Variants in PTPN3 observed in about 807,000 individuals in gnomAD.
PTPN3 encodes protein tyrosine phosphatase non-receptor type 3.
A neutral mutation model predicts 132.7 loss-of-function variants in PTPN3; 96 were observed. That is an observed-to-expected ratio of 0.72 (90% CI 0.61 to 0.86). PTPN3 has a LOEUF of 0.86. Ranked by LOEUF, PTPN3 falls within the 40% of genes least tolerant of loss-of-function variation. The pLI, the probability that PTPN3 is intolerant of heterozygous loss-of-function variation, is 0.00. For synonymous variants in PTPN3, 398 were observed against 429.0 expected, an observed-to-expected ratio of 0.93 and a Z score of 0.89; for missense variants, 1,125 against 1,159.6, an observed-to-expected ratio of 0.97 and a Z score of 0.43.
At chr9:109,403,638 A>G (rs923121043) in intron 19 of PTPN3, among the ~76,000 whole-genome samples, 2 of 152,184 alleles carry the variant, frequency 1.3e-5, no homozygotes, top group Admixed American at 6.5e-5. Context: ...CCAGGAGTTC[A>G]TGACTGGCCT....
the PTPN3 span, among the ~76,000 whole-genome samples, chr9:109,522,599 G>A: frequency 0.14 from 20,638 of 152,098 alleles, 1,584 homozygotes; most frequent in Middle Eastern, 0.24. Context: ...TAATATACGC[G>A]TACCTGCTAG....
chr9:109,514,803 G>A, the PTPN3 span, among the ~76,000 whole-genome samples: 5 of 152,172 alleles, frequency 3.3e-5, no homozygotes, highest in Non-Finnish European at 5.9e-5. Flanking sequence ...TGGCCAATGG[G>A]ATGTTAGATG....
At chr9:109,465,580 G>T (rs1846058693) in intron 1 of PTPN3, among the ~76,000 whole-genome samples, 1 of 151,996 alleles carries the variant, frequency 6.6e-6, no homozygotes, top group South Asian at 2.1e-4. Context: ...ACGGTGGCAT[G>T]CGCCAGTAAT....
chr9:109,420,619 G>T lies in PTPN3; in HGVS notation c.1137-19C>A, dbSNP rs779039131. 110 of 1,601,162 alleles carry T rather than the reference G, an allele frequency of 6.9e-5. No homozygotes were observed. Among genetic ancestry groups the T allele is most frequent in the Non-Finnish European group, 9.4e-5 (110 of 1,172,208 alleles). Reference sequence around the variant, plus strand: ...ACTTCGCCTGGGTGGGAAAAACGTTGAGTGCAAAGTGTTCAAAGCAAATTC... The same window carrying T: ...ACTTCGCCTGGGTGGGAAAAACGTTTAGTGCAAAGTGTTCAAAGCAAATTC... On this transcript the variant is annotated intron_variant, in intron 13 of 25. Coordinates refer to ENST00000374541, the MANE Select transcript of PTPN3 (RefSeq NM_002829.4).
At chr9:109,455,101 G>A (rs1367367505) in intron 4 of PTPN3, among the ~76,000 whole-genome samples, 1 of 152,170 alleles carries the variant, frequency 6.6e-6, no homozygotes, top group African/African-American at 2.4e-5. Flanking sequence ...TTAGAGTAAT[G>A]AGATCTTTGA....
At chr9:109,400,296 T>C (rs1020738971) in intron 19 of PTPN3, among the ~76,000 whole-genome samples, 28 of 152,220 alleles carry the variant, frequency 1.8e-4, no homozygotes, top group African/African-American at 6.5e-4. Flanking sequence ...TATTTATAAA[T>C]AATAACAGCT....
At chr9:109,449,558 C>G in intron 5 of PTPN3, 1 of 985,344 alleles carries the variant, frequency 1.0e-6, no homozygotes, top group Non-Finnish European at 1.2e-6. Context: ...TGCTCCTCTG[C>G]CTGGGGAGCG....
At chr9:109,514,173 T>G in the PTPN3 span, among the ~76,000 whole-genome samples, 1 of 152,212 alleles carries the variant, frequency 6.6e-6, no homozygotes, top group Non-Finnish European at 1.5e-5. Flanking sequence ...TTTCAGGACC[T>G]TCTTGTCTCT....
chr9:109,420,503 C>T lies in PTPN3; in HGVS notation c.1234G>A (p.Val412Ile), dbSNP rs1423417342. The T allele has an allele frequency of 1.9e-6, 3 of 1,613,568 alleles. No individual in the cohort carries two copies. Among genetic ancestry groups the T allele is most frequent in the East Asian group, 2.2e-5 (1 of 44,906 alleles). The change falls in exon 14 of 26, where the codon GTA becomes ATA. Residue 412 changes from valine to isoleucine, a missense_variant. Coordinates refer to ENST00000374541, the MANE Select transcript of PTPN3 (RefSeq NM_002829.4). ...AGAGAGCCCTTGTACGTGTAAAATA[C>T]ATCTTCCGTTTCCGTGATGTAGGTC... is the stretch of plus-strand genomic sequence containing the variant. ...EMTYITETEDVFYTYKGSLAP... is the reference protein window; with the variant it reads ...EMTYITETEDIFYTYKGSLAP...
chr9:109,418,861 C>A (rs151028305), intron 14 of PTPN3, among the ~76,000 whole-genome samples: 23 of 152,306 alleles, frequency 1.5e-4, no homozygotes, highest in African/African-American at 5.1e-4. Context: ...TGCAAACCAC[C>A]ACAGGAAGCT....
chr9:109,408,788 A>ATATATATATATAT (rs1300361920), intron 16 of PTPN3, among the ~76,000 whole-genome samples: 59 of 52,842 alleles, frequency 1.1e-3, no homozygotes, highest in South Asian at 3.1e-3. Context: ...AATTAAAAAA[A>ATATATATATATAT]AAAAAAAAAT....
chr9:109,447,623 C>A (rs1844949482), intron 6 of PTPN3, among the ~76,000 whole-genome samples: 1 of 152,132 alleles, frequency 6.6e-6, no homozygotes, highest in Admixed American at 6.5e-5. Context: ...GTGTCTCTTG[C>A]TTCTAACTAT....
Position 109,381,770 on chromosome 9 carries a change from G to C in PTPN3, c.2546C>G (p.Thr849Ser). 4.3e-6 allele frequency: 7 copies of C among 1,614,248 alleles called. No homozygotes were observed. The highest frequency in any genetic ancestry group is 5.9e-6 in the Non-Finnish European group (7 of 1,180,048). Residue 849 changes from threonine (T) to serine (S), a missense_variant, in exon 25 of 26, where the codon ACC (threonine) becomes AGC (serine). Physicochemically the swap from Thr to Ser is moderately conservative, Grantham distance 58. Coordinates refer to ENST00000374541, the MANE Select transcript of PTPN3 (RefSeq NM_002829.4). ...TGTTTCCATAGTGACCAACACACCG[G>C]TTCGACCTATTCCAGCACTGGAGAG... ...LVHCSAGIGR[T>S]GVLVTMETAM...
At chr9:109,445,162 C>G (rs1380989529) in intron 7 of PTPN3, 78 bp downstream of exon 7, 1 of 1,439,002 alleles carries the variant, frequency 6.9e-7, no homozygotes, top group African/African-American at 1.4e-5. Flanking sequence ...CTTGGTCAAG[C>G]AGGAGGAACC....
intron 2 of PTPN3, among the ~76,000 whole-genome samples, chr9:109,461,482 T>C (rs535402955): frequency 4.1e-4 from 62 of 152,346 alleles, no homozygotes; most frequent in African/African-American, 1.4e-3. Flanking sequence ...AAGCCAGGCA[T>C]GGTAGCTCAT....
At chr9:109,486,416 A>G (rs1319444541) in intron 1 of PTPN3, among the ~76,000 whole-genome samples, 2 of 152,116 alleles carry the variant, frequency 1.3e-5, no homozygotes, top group Non-Finnish European at 2.9e-5. Flanking sequence ...GGCAAATGGG[A>G]GAAGCGAGAG....
chr9:109,463,568 G>C (rs2132049024), intron 1 of PTPN3, 117 bp from the exon 2 acceptor site: 2 of 910,934 alleles, frequency 2.2e-6, no homozygotes, highest in East Asian at 2.6e-5. Context: ...CACAGATAAT[G>C]AGAACTACAT....
At chr9:109,470,699 A>AG (rs1379184108) in intron 1 of PTPN3, among the ~76,000 whole-genome samples, 2 of 151,804 alleles carry the variant, frequency 1.3e-5, no homozygotes, top group Non-Finnish European at 2.9e-5. Context: ...TCATCCAAAA[A>AG]AAAAAAAAAA....
At chr9:109,495,038 T>A (rs1299475628) in intron 1 of PTPN3, among the ~76,000 whole-genome samples, 3 of 152,118 alleles carry the variant, frequency 2.0e-5, no homozygotes, top group Non-Finnish European at 4.4e-5. Context: ...CAGGTCCTTC[T>A]CGGCCAGAGG....
Sources: gnomAD v4.1 joint callset for allele counts (sites outside exome capture counted in the v4.1 genomes callset) on GRCh38, gnomAD v4.1.1 for gene constraint, MANE v1.5 for transcripts, NCBI Gene and HGNC (gene_info 2026-07-23, HGNC 2026-07-21) for gene names.